POFUT3: variants seen among roughly 807,000 people sequenced by gnomAD.
POFUT3 encodes the protein protein O-fucosyltransferase 3.
the POFUT3 span, among the ~76,000 whole-genome samples, chr8:33,403,100 T>C: frequency 6.6e-6 from 1 of 151,818 alleles, no homozygotes; most frequent in Non-Finnish European, 1.5e-5. Context: ...TTACTAATAA[T>C]ATATACTCAA....
At chr8:33,428,539 AAAG>A in the POFUT3 span, among the ~76,000 whole-genome samples, 66 of 152,326 alleles carry the variant, frequency 4.3e-4, no homozygotes, top group Non-Finnish European at 7.6e-4. Context: ...AACCTATTCA[AAAG>A]AAGAAGAACT....
chr8:33,394,656 T>C, the POFUT3 span, among the ~76,000 whole-genome samples: 2 of 151,478 alleles, frequency 1.3e-5, no homozygotes, highest in African/African-American at 4.9e-5. Context: ...ACATGAAAGG[T>C]TTTGCTCTTA....
chr8:33,441,380 T>TTTA, the POFUT3 span, among the ~76,000 whole-genome samples: 1 of 140,600 alleles, frequency 7.1e-6, no homozygotes, highest in Admixed American at 7.0e-5. Context: ...TTTCCTGCCT[T>TTTA]TTTTTTTTTT....
chr8:33,368,605 C>A, the POFUT3 span, among the ~76,000 whole-genome samples: 2 of 152,144 alleles, frequency 1.3e-5, no homozygotes, highest in Admixed American at 1.3e-4. Context: ...TCAAGACCTA[C>A]AGATCTAGGC....
chr8:33,371,810 G>C, the POFUT3 span: 5 of 152,160 alleles, frequency 3.3e-5, no homozygotes, highest in African/African-American at 1.2e-4. Flanking sequence ...TTCTACTCTC[G>C]CGCTGCTCAA....
the POFUT3 span, among the ~76,000 whole-genome samples, chr8:33,440,604 A>C: frequency 6.6e-6 from 1 of 152,208 alleles, no homozygotes; most frequent in Admixed American, 6.5e-5. Flanking sequence ...CATAACTATT[A>C]CAGCATATGA....
At chr8:33,372,745 T>A in the POFUT3 span, 2 of 1,614,072 alleles carry the variant, frequency 1.2e-6, no homozygotes, top group Middle Eastern at 3.3e-4. Flanking sequence ...AAGCAAACAC[T>A]GTGGGCTCTG....
chr8:33,461,862 T>C, the POFUT3 span: 4 of 344,516 alleles, frequency 1.2e-5, no homozygotes, highest in South Asian at 9.7e-5. Flanking sequence ...ACCTCACTCA[T>C]AAGTAAGGAA....
At chr8:33,337,356 A>G in the POFUT3 span, among the ~76,000 whole-genome samples, 10 of 152,198 alleles carry the variant, frequency 6.6e-5, no homozygotes, top group Non-Finnish European at 1.0e-4. Context: ...GTCCTTCTGA[A>G]AAGTACAGCT....
chr8:33,445,778 G>A, the POFUT3 span, among the ~76,000 whole-genome samples: 1 of 152,184 alleles, frequency 6.6e-6, no homozygotes, highest in African/African-American at 2.4e-5. Flanking sequence ...CAAAATGCCA[G>A]GTGCTGGGAA....
chr8:33,461,870 G>T, the POFUT3 span: 1 of 339,754 alleles, frequency 2.9e-6, no homozygotes, highest in Non-Finnish European at 5.7e-6. Flanking sequence ...CATAAGTAAG[G>T]AAATCAAGGC....
the POFUT3 span, among the ~76,000 whole-genome samples, chr8:33,331,105 C>T: frequency 6.6e-6 from 1 of 152,044 alleles, no homozygotes; most frequent in East Asian, 1.9e-4. Flanking sequence ...TTTGGGATGC[C>T]GAGGCAGGTG....
the POFUT3 span, among the ~76,000 whole-genome samples, chr8:33,375,450 T>C: frequency 6.6e-6 from 1 of 152,022 alleles, no homozygotes; most frequent in Non-Finnish European, 1.5e-5. Flanking sequence ...CCGGGAGAGA[T>C]CCCTTCCATA....
the POFUT3 span, among the ~76,000 whole-genome samples, chr8:33,446,755 T>C: frequency 1.3e-5 from 2 of 152,322 alleles, no homozygotes; most frequent in Non-Finnish European, 2.9e-5. Context: ...TGGTTTTTTA[T>C]TATAAGCATG....
chr8:33,367,427 A>T, the POFUT3 span, among the ~76,000 whole-genome samples: 3 of 152,216 alleles, frequency 2.0e-5, no homozygotes, highest in African/African-American at 7.2e-5. Flanking sequence ...TTAATTTAAT[A>T]TCTATAGAAA....
chr8:33,429,858 T>C, the POFUT3 span, among the ~76,000 whole-genome samples: 2 of 151,984 alleles, frequency 1.3e-5, no homozygotes, highest in Non-Finnish European at 2.9e-5. Context: ...TAGCTGGGCA[T>C]GGTGGTGGGC....
chr8:33,385,901 C>T, the POFUT3 span, among the ~76,000 whole-genome samples: 1 of 147,848 alleles, frequency 6.8e-6, no homozygotes, highest in Non-Finnish European at 1.5e-5. Context: ...CAAATGAAAA[C>T]TGGTGGCTGG....
At chr8:33,433,593 T>TA in the POFUT3 span, among the ~76,000 whole-genome samples, 19 of 131,060 alleles carry the variant, frequency 1.4e-4, no homozygotes, top group Non-Finnish European at 2.1e-4. Context: ...GCCTGGGCGA[T>TA]AGAGTGAGAC....
chr8:33,349,574 G>A, the POFUT3 span, among the ~76,000 whole-genome samples: 1 of 151,954 alleles, frequency 6.6e-6, no homozygotes, highest in Non-Finnish European at 1.5e-5. Flanking sequence ...TAGGATAATG[G>A]TCTCCAACTC....
Sources: gnomAD v4.1 joint callset for allele counts (sites outside exome capture counted in the v4.1 genomes callset) on GRCh38, gnomAD v4.1.1 for gene constraint, MANE v1.5 for transcripts, NCBI Gene and HGNC (gene_info 2026-07-23, HGNC 2026-07-21) for gene names.